The following TRIM46 variants were observed in gnomAD, a reference collection of about 807,000 sequenced individuals.
The protein encoded by TRIM46 is tripartite motif containing 46.
TRIM46 carries 17 observed loss-of-function variants against 69.7 expected under a neutral mutation model. That is an observed-to-expected ratio of 0.24 (90% CI 0.17 to 0.37). The LOEUF (loss-of-function observed/expected upper bound fraction) is 0.37. Among genes scored for constraint, TRIM46 ranks in the 10% least tolerant of loss-of-function variants. The pLI is 1.00. For synonymous variants in TRIM46, 391 were observed against 429.0 expected (o/e 0.91, Z 1.09); for missense variants, 675 against 1,025.1 (o/e 0.66, Z 4.66).
In TRIM46 at chr1:155,177,281, G is replaced by A. The variant is rs1203078637; in HGVS notation, c.900G>A (p.Arg300=). Residue 300 remains arginine (R), a synonymous_variant, in exon 5 of 10, where the codon AGG becomes AGA. Transcript: ENST00000334634. The part of the protein sequence containing the change: ...TQICELEEAV[R]HTEVSGQQAK... ...TCTGTGAGCTGGAGGAGGCCGTGAG[G>A]CACACCGAGGTGAGGGAGGGCACAG... is the stretch of plus-strand genomic sequence containing the variant. The A allele has an allele frequency of 6.2e-7, 1 of 1,613,962 alleles. No individual in the cohort carries two copies. Among genetic ancestry groups the A allele is most frequent in the Non-Finnish European group, 8.5e-7 (1 of 1,179,976 alleles).
chr1:155,176,126 G>A lies in TRIM46; in HGVS notation c.564G>A (p.Glu188=), dbSNP rs370021979. The A allele has an allele frequency of 1.2e-6, 2 of 1,614,006 alleles. No individual in the cohort carries two copies. Among genetic ancestry groups the A allele is most frequent in the African/African-American group, 2.7e-5 (2 of 74,934 alleles). ...TAGAGGCCACCAAGGGCTGCACAGAGTGCCGCGCCACCTTCTGCAATGAGT... is the reference window on the plus strand; with the variant it reads ...TAGAGGCCACCAAGGGCTGCACAGAATGCCGCGCCACCTTCTGCAATGAGT... The part of the protein sequence containing the change: ...PPLEATKGCT[E]CRATFCNECF... Residue 188 remains glutamate (E), a synonymous_variant, in exon 3 of 10, where the codon GAG becomes GAA. Coordinates refer to ENST00000334634, the MANE Select transcript of TRIM46 (RefSeq NM_025058.5).
intron 9 of TRIM46, among the ~76,000 whole-genome samples, chr1:155,183,485 T>C (rs1289144858): frequency 6.6e-6 from 1 of 152,024 alleles, no homozygotes; most frequent in African/African-American, 2.4e-5. Flanking sequence ...CTCAGAACCA[T>C]CTCCCCAGCA....
In TRIM46 at chr1:155,184,033, T is replaced by C; in HGVS notation, c.2123T>C (p.Val708Ala). 2 of 1,614,152 alleles carry C rather than the reference T, an allele frequency of 1.2e-6. No homozygotes were observed. The highest frequency in any genetic ancestry group is 2.2e-5 in the South Asian group (2 of 91,086). Residue 708 changes from valine (V) to alanine (A), a missense_variant, in exon 10 of 10, where the codon GTT (valine) becomes GCT (alanine). Val to Ala is a moderately conservative substitution (Grantham distance 64). This residue lies in a region of TRIM46 where 108 missense variants were observed against 153.0 expected (regional missense o/e 0.71). Transcript: ENST00000334634. The surrounding 1 kb of genome is among the most constrained non-coding windows in gnomAD (Gnocchi z 5.6). ...ERGRVSFLDA[V>A]SFRGLLECPL... The stretch of plus-strand genomic sequence containing the variant: ...GGCCGGGTTTCCTTCCTGGATGCTG[T>C]TTCCTTCCGTGGGCTCTTGGAGTGC...
In TRIM46 at chr1:155,181,578, G is replaced by T. The variant is rs1182617050; in HGVS notation, c.1589-274G>T. On this transcript the variant is annotated intron_variant, in intron 8 of 9. Transcript: ENST00000334634. The surrounding 1 kb of genome is among the most constrained non-coding windows in gnomAD (Gnocchi z 4.3). ...GGCCACAAGTAAGGGGTTCGAGGGAGCCCCATGAGTCAGCCAGGTCCGGAG... is the reference window on the plus strand; with the variant it reads ...GGCCACAAGTAAGGGGTTCGAGGGATCCCCATGAGTCAGCCAGGTCCGGAG... Among the ~76,000 whole-genome samples, 2 of 152,184 alleles carry T rather than the reference G, an allele frequency of 1.3e-5. No homozygotes were observed. Among genetic ancestry groups the T allele is most frequent in the Non-Finnish European group, 2.9e-5 (2 of 68,028 alleles).
At position 155,183,932 on chromosome 1, in the gene TRIM46, A is replaced by G; in HGVS notation, c.2022A>G (p.Thr674=). 6.2e-7 allele frequency: 1 copy of G among 1,613,920 alleles called. No homozygotes were observed. The highest frequency in any genetic ancestry group is 8.5e-7 in the Non-Finnish European group (1 of 1,180,028). Residue 674 remains threonine (T), a synonymous_variant, in exon 10 of 10, where the codon ACA becomes ACG. Transcript: ENST00000334634. ...GSGASSNAGL[T]GRDGPTAGCT... Reference sequence around the variant, plus strand: ...GGGCAAGCTCAAACGCAGGGCTGACAGGGAGGGATGGCCCCACAGCCGGCT... The same window carrying G: ...GGGCAAGCTCAAACGCAGGGCTGACGGGGAGGGATGGCCCCACAGCCGGCT...
chr1:155,178,650 C>T (rs567301894), intron 7 of TRIM46, 37 bp downstream of exon 7: 1 of 1,606,674 alleles, frequency 6.2e-7, no homozygotes, highest in Non-Finnish European at 8.5e-7. Context: ...CAACCAGAGC[C>T]TTCTTCCCTT....
chr1:155,177,419 T>A, intron 5 of TRIM46, 129 bp downstream of exon 5: 1 of 797,446 alleles, frequency 1.3e-6, no homozygotes, highest in Middle Eastern at 3.1e-4. Context: ...AGGTTCTGGT[T>A]AAACCAGGTT....
chr1:155,182,124 G>T lies in TRIM46; in HGVS notation c.1861G>T (p.Gly621Cys). The T allele has an allele frequency of 6.2e-7, 1 of 1,614,110 alleles. No homozygotes were observed. Among genetic ancestry groups the T allele is most frequent in the Non-Finnish European group, 8.5e-7 (1 of 1,179,998 alleles). ...LESKLQESFQ[G>C]APDVISPRYD... ...GAGCAAGCTTCAAGAAAGTTTCCAG[G>T]GTGCCCCCGATGTGATCAGCCCCAG... is the stretch of plus-strand genomic sequence containing the variant. The change falls in exon 9 of 10, where the codon GGT becomes TGT. Residue 621 changes from glycine to cysteine, a missense_variant. Around this residue, in one of 5 missense-constraint regions of TRIM46, gnomAD observed 35 missense variants for 99.3 expected, o/e 0.35. Transcript: ENST00000334634.
rs745603150 is a variant in TRIM46 at position 155,178,082 on chromosome 1, A to T, written c.990A>T (p.Ser330=). The T allele has an allele frequency of 2.5e-6, 4 of 1,614,084 alleles. No individual in the cohort carries two copies. Among genetic ancestry groups the T allele is most frequent in the Non-Finnish European group, 3.4e-6 (4 of 1,179,998 alleles). The change falls in exon 6 of 10, where the codon TCA becomes TCT. Residue 330 remains serine, a synonymous_variant. Coordinates refer to ENST00000334634, the MANE Select transcript of TRIM46 (RefSeq NM_025058.5). ...LGAVLEEKRA[S]LLQAIEECQQ... is the part of the protein sequence containing the mutation. Reference sequence around the variant, plus strand: ...CTGTGCTGGAGGAGAAGCGGGCATCACTGCTTCAGGCCATTGAAGAATGCC... The same window carrying T: ...CTGTGCTGGAGGAGAAGCGGGCATCTCTGCTTCAGGCCATTGAAGAATGCC...
chr1:155,178,739 T>TTGGGGCCCCCCCCCCCCCC, intron 7 of TRIM46, 126 bp downstream of exon 7: 45 of 1,348,434 alleles, frequency 3.3e-5, no homozygotes, highest in Middle Eastern at 2.1e-4. Context: ...CAGCCATTCC[T>TTGGGGCCCCCCCCCCCCCC]CCCACCCAGC....
intron 1 of TRIM46, chr1:155,174,886 CGCAG>C: frequency 7.1e-7 from 1 of 1,405,514 alleles, no homozygotes; most frequent in Non-Finnish European, 9.2e-7. Context: ...CTGGAGTGGC[CGCAG>C]GCCGGAGCTG....
rs768555781 is a variant in TRIM46, at chr1:155,175,714, C to T, written c.325+67C>T. ...TATTCATCAGGAAGATGGAAGAAGT[C>T]CATCACTGGTCAGAGGCATCTGTCT... On this transcript the variant is annotated intron_variant, in intron 2 of 9. Coordinates refer to ENST00000334634, the MANE Select transcript of TRIM46 (RefSeq NM_025058.5). The surrounding 1 kb of genome is among the most constrained non-coding windows in gnomAD (Gnocchi z 4.2). The T allele has an allele frequency of 1.2e-6, 2 of 1,608,638 alleles. No individual in the cohort carries two copies. The highest frequency in any genetic ancestry group is 1.7e-6 in the Non-Finnish European group (2 of 1,178,346).
At position 155,183,786 on chromosome 1, in the gene TRIM46, C is replaced by T. The variant is rs1193868956; in HGVS notation, c.1887-11C>T. The T allele has an allele frequency of 6.3e-7, 1 of 1,599,134 alleles. No individual in the cohort carries two copies. The highest frequency in any genetic ancestry group is 1.7e-5 in the Admixed American group (1 of 59,970). ...CCTCAACAATCTCGTCCCCAACACCCGCTTCTGCAGGTACGACCCGGACAG... is the reference window on the plus strand; with the variant it reads ...CCTCAACAATCTCGTCCCCAACACCTGCTTCTGCAGGTACGACCCGGACAG... On this transcript the variant is annotated splice_polypyrimidine_tract_variant and intron_variant, in intron 9 of 9. Transcript: ENST00000334634.
rs1297983607 is a variant in TRIM46 at position 155,177,437 on chromosome 1, A to G, written c.909+147A>G. ...TTCTGGTTAAACCAGGTTTGCAGGA[A>G]CACCAGTGCCCCAGGCCAGGCTGTA... On this transcript the variant is annotated intron_variant, in intron 5 of 9. Transcript: ENST00000334634. 8.5e-6 allele frequency: 6 copies of G among 705,052 alleles called. No homozygotes were observed. The Admixed American group carries it at 1.4e-4, about 16-fold the overall frequency. 43.7% of individuals were successfully genotyped at this position (705,052 alleles called of 1,614,324 possible). A position where few individuals can be genotyped will look rare whatever the true frequency, so the allele number is the denominator to read the frequency against.
intron 8 of TRIM46, chr1:155,180,480 A>G: frequency 2.4e-6 from 1 of 425,148 alleles, no homozygotes; most frequent in Non-Finnish European, 4.2e-6. Context: ...CTACAATTCC[A>G]GCTACTCGGG....
chr1:155,177,216 A>G lies in TRIM46; in HGVS notation c.835A>G (p.Thr279Ala). ...TCAGGACAAGCTGACAAAGAGCCTG[A>G]CATACATCCTGGGAAACCAGGACAC... ...ALKDKLTKSL[T>A]YILGNQDTVQ... is the part of the protein sequence containing the mutation. Residue 279 changes from threonine (T) to alanine (A), a missense_variant, in exon 5 of 10, where the codon ACA becomes GCA. Physicochemically the swap from Thr to Ala is moderately conservative, Grantham distance 58. This residue lies in a region of TRIM46 where 361 missense variants were observed against 498.3 expected (regional missense o/e 0.72). Transcript: ENST00000334634. 1 of 1,614,152 alleles carries G rather than the reference A, an allele frequency of 6.2e-7. No individual in the cohort carries two copies. The highest frequency in any genetic ancestry group is 8.5e-7 in the Non-Finnish European group (1 of 1,180,028).
At chr1:155,182,201 GGCACAGAAGGGGTGGCAAGTGGA>G (rs1666218487) in intron 9 of TRIM46, 52 bp downstream of exon 9, 6 of 1,569,970 alleles carry the variant, frequency 3.8e-6, no homozygotes, top group African/African-American at 1.3e-5. Context: ...GGGAGTGAGG[GGCACAGAAGGGGTGGCAAGTGGA>G]GCACAGACTT....
chr1:155,175,320 G>A lies in TRIM46; in HGVS notation c.64-66G>A, dbSNP rs769301710. On this transcript the variant is annotated intron_variant, in intron 1 of 9. Transcript: ENST00000334634. This position sits in a 1 kb window ranked among gnomAD's most constrained non-coding sequence, Gnocchi z 4.2. ...CAGACCCCTAGGGTATCCAAGGGCA[G>A]CCAAGGGGCTGCTGAGGTATGCCTA... The A allele has an allele frequency of 2.1e-4, 340 of 1,596,152 alleles. No homozygotes were observed. The highest frequency in any genetic ancestry group is 2.1e-4 in the Non-Finnish European group (249 of 1,174,976).
chr1:155,182,380 G>T, intron 9 of TRIM46: 2 of 589,912 alleles, frequency 3.4e-6, no homozygotes, highest in South Asian at 4.2e-5. Flanking sequence ...TCAGGGAAAG[G>T]GATGATAGAA....
Sources: allele counts gnomAD v4.1 joint callset (sites outside exome capture counted in the v4.1 genomes callset), GRCh38; gene constraint gnomAD v4.1.1; regional missense constraint gnomAD v4.1.1; non-coding constraint Gnocchi (gnomAD v3.1); transcripts MANE v1.5; gene names NCBI Gene and HGNC (gene_info 2026-07-23, HGNC 2026-07-21).